The following GPC5 variants were observed in gnomAD, a reference collection of about 807,000 sequenced individuals.
GPC5 encodes the protein glypican-5.
A neutral mutation model predicts 53.9 loss-of-function variants in GPC5; 47 were observed. The ratio of observed to expected loss-of-function variants is 0.87; its 90% confidence interval spans 0.69 to 1.11. The LOEUF is 1.11. Ranked by LOEUF, GPC5 falls within the 50% of genes most tolerant of loss-of-function variation. The probability of loss-of-function intolerance (pLI) is 0.00; values close to 1 mark genes in which losing one functional copy is unlikely to be tolerated. For synonymous variants in GPC5, 286 were observed against 263.3 expected (o/e 1.09, Z -0.84); for missense variants, 748 against 713.1 (o/e 1.05, Z -0.56).
At chr13:91,976,520 A>T (rs191005871) in intron 6 of GPC5, among the ~76,000 whole-genome samples, 2 of 152,276 alleles carry the variant, frequency 1.3e-5, no homozygotes, top group East Asian at 1.9e-4. Context: ...CAGAGAAGGA[A>T]TGTAACTAAG....
chr13:91,650,749 A>AGTTTTTGTTTTTTTTTTTTTTT (rs2034680481), intron 2 of GPC5, among the ~76,000 whole-genome samples: 1 of 67,060 alleles, frequency 1.5e-5, no homozygotes, highest in Admixed American at 2.2e-4. Flanking sequence ...AATTCCCATA[A>AGTTTTTGTTTTTTTTTTTTTTT]GTTTTTTTTT....
intron 7 of GPC5, among the ~76,000 whole-genome samples, chr13:92,540,904 A>T (rs1269133537): frequency 1.3e-5 from 2 of 151,902 alleles, no homozygotes; most frequent in African/African-American, 4.8e-5. Context: ...GTGTTACCTC[A>T]TTGGGTGAAG....
intron 7 of GPC5, among the ~76,000 whole-genome samples, chr13:92,377,228 T>G (rs1205514189): frequency 6.6e-6 from 1 of 152,158 alleles, no homozygotes; most frequent in Non-Finnish European, 1.5e-5. Context: ...CATTACACTT[T>G]GCATGCCTGT....
At chr13:91,626,212 A>G (rs993869222) in intron 2 of GPC5, among the ~76,000 whole-genome samples, 2 of 152,182 alleles carry the variant, frequency 1.3e-5, no homozygotes. Context: ...GGTTACTAGC[A>G]TGGAGAGACA....
At chr13:92,167,541 T>G (rs527930404) in intron 7 of GPC5, among the ~76,000 whole-genome samples, 2 of 152,204 alleles carry the variant, frequency 1.3e-5, no homozygotes, top group Non-Finnish European at 2.9e-5. Flanking sequence ...AAATGATGTT[T>G]TCTGTTTTCT....
intron 5 of GPC5, among the ~76,000 whole-genome samples, chr13:91,837,061 T>G (rs909345142): frequency 9.4e-5 from 14 of 149,638 alleles, no homozygotes; most frequent in African/African-American, 3.2e-4. Context: ...ATATTTATAT[T>G]TATTTATTGA....
rs570351806 is a variant in GPC5 at position 91,460,851 on chromosome 13, G to A, written c.325+11929G>A. On this transcript the variant is annotated intron_variant, in intron 2 of 7. Coordinates refer to ENST00000377067, the MANE Select transcript of GPC5 (RefSeq NM_004466.6). ...TAATATTGATTTGGTAAAAGGATAA[G>A]ATAAAATGAAAAATAAGATACCTTT... Among the ~76,000 whole-genome samples, 16 of 151,806 alleles carry A rather than the reference G, an allele frequency of 1.1e-4. No individual in the cohort carries two copies. In the South Asian group the frequency reaches 3.3e-3, roughly 32 times the overall value.
intron 4 of GPC5, among the ~76,000 whole-genome samples, chr13:91,730,737 G>A (rs2036678943): frequency 6.6e-6 from 1 of 152,172 alleles, no homozygotes; most frequent in Non-Finnish European, 1.5e-5. Context: ...GGGCTATTCT[G>A]TAAATGGGCT....
At chr13:92,086,597 AAC>A (rs1258276354) in intron 6 of GPC5, among the ~76,000 whole-genome samples, 1 of 151,918 alleles carries the variant, frequency 6.6e-6, no homozygotes, top group South Asian at 2.1e-4. Context: ...TCTCCTGTAG[AAC>A]ACTTTTTTCT....
intron 7 of GPC5, among the ~76,000 whole-genome samples, chr13:92,695,347 T>A (rs555051786): frequency 6.6e-6 from 1 of 152,314 alleles, no homozygotes; most frequent in African/African-American, 2.4e-5. Context: ...CAGATATTCA[T>A]TTTGAATATT....
chr13:92,196,092 A>G (rs1274564563), intron 7 of GPC5, among the ~76,000 whole-genome samples: 1 of 152,114 alleles, frequency 6.6e-6, no homozygotes, highest in East Asian at 1.9e-4. Flanking sequence ...TTTGCTTTTC[A>G]TTAATATTAT....
intron 6 of GPC5, among the ~76,000 whole-genome samples, chr13:92,134,563 T>C (rs1160977585): frequency 6.6e-6 from 1 of 152,066 alleles, no homozygotes; most frequent in Non-Finnish European, 1.5e-5. Flanking sequence ...ATATAATAAA[T>C]AGGACTTAAT....
At chr13:92,284,591 A>G (rs991698129) in intron 7 of GPC5, among the ~76,000 whole-genome samples, 3 of 152,152 alleles carry the variant, frequency 2.0e-5, no homozygotes, top group African/African-American at 7.2e-5. Flanking sequence ...TTCAACATAC[A>G]CAAATCAATA....
At chr13:92,251,748 AG>A (rs1297922414) in intron 7 of GPC5, among the ~76,000 whole-genome samples, 10 of 152,128 alleles carry the variant, frequency 6.6e-5, no homozygotes, top group Admixed American at 3.9e-4. Context: ...CCGGATTTTT[AG>A]GAAGCTCTGC....
At chr13:92,340,396 CT>C (rs1323332450) in intron 7 of GPC5, 2 of 152,044 alleles carry the variant, frequency 1.3e-5, no homozygotes, top group African/African-American at 4.8e-5. Context: ...CTGAACCTAA[CT>C]TTTTTAAAAA....
At chr13:92,626,335 G>T (rs1235682532) in intron 7 of GPC5, among the ~76,000 whole-genome samples, 1 of 152,272 alleles carries the variant, frequency 6.6e-6, no homozygotes, top group Non-Finnish European at 1.5e-5. Context: ...AGACTCATGC[G>T]GTGGGGAGGC....
intron 1 of GPC5, among the ~76,000 whole-genome samples, chr13:91,436,209 T>C (rs1167469101): frequency 6.6e-6 from 1 of 152,168 alleles, no homozygotes; most frequent in African/African-American, 2.4e-5. Flanking sequence ...TGATCTTAGT[T>C]ATTTCTTGCC....
intron 7 of GPC5, among the ~76,000 whole-genome samples, chr13:92,712,254 C>CAA (rs1232831771): frequency 1.3e-5 from 2 of 151,916 alleles, no homozygotes; most frequent in East Asian, 3.9e-4. Context: ...TAAAGGAATA[C>CAA]AAGGAACAAT....
rs114853828 is a variant in GPC5, at chr13:92,353,797, C to T, written c.1561+208808C>T. Among the ~76,000 whole-genome samples, 446 of 152,200 alleles carry T rather than the reference C, an allele frequency of 2.9e-3. 3 individuals are homozygous for T. The highest frequency in any genetic ancestry group is 0.01 in the African/African-American group (417 of 41,542). On this transcript the variant is annotated intron_variant, in intron 7 of 7. Coordinates refer to ENST00000377067, the MANE Select transcript of GPC5 (RefSeq NM_004466.6). ...TTGACTTTATTATCTTACCACTAAA[C>T]ATCTGGTAATAAATGATTCTCTATT...
Sources: gnomAD v4.1 joint callset for allele counts (sites outside exome capture counted in the v4.1 genomes callset) on GRCh38, gnomAD v4.1.1 for gene constraint, MANE v1.5 for transcripts, NCBI Gene and HGNC (gene_info 2026-07-23, HGNC 2026-07-21) for gene names.